The following BAZ2B variants were observed in gnomAD, a reference collection of about 807,000 sequenced individuals.
BAZ2B encodes the protein bromodomain adjacent to zinc finger domain protein 2B.
A neutral mutation model predicts 246.0 loss-of-function variants in BAZ2B; 91 were observed. That is an observed-to-expected ratio of 0.37 (90% CI 0.31 to 0.44). The LOEUF (loss-of-function observed/expected upper bound fraction) is 0.44, where lower values mean the gene tolerates loss of function less well. BAZ2B is among the 20% of genes least tolerant of loss of function. The pLI is 1.00. For missense variants in BAZ2B, 2,332 were observed against 2,533.7 expected, an observed-to-expected ratio of 0.92 and a Z score of 1.71; for synonymous variants, 855 against 860.0, an observed-to-expected ratio of 0.99 and a Z score of 0.10.
chr2:159,532,043 A>C (rs1426518188), intron 2 of BAZ2B, among the ~76,000 whole-genome samples: 7 of 152,228 alleles, frequency 4.6e-5, no homozygotes, highest in Non-Finnish European at 1.0e-4. Flanking sequence ...TTAGAAACTA[A>C]GACAACAGAA....
chr2:159,598,026 G>A (rs926134650), intron 1 of BAZ2B, among the ~76,000 whole-genome samples: 15 of 146,738 alleles, frequency 1.0e-4, no homozygotes, highest in African/African-American at 3.6e-4. Context: ...ACGGAGTCTC[G>A]CTCTGTCACC....
the BAZ2B span, chr2:159,694,239 G>C: frequency 6.6e-6 from 1 of 152,158 alleles, no homozygotes. Flanking sequence ...AAAGAGGCCT[G>C]AGAATGAAAA....
At chr2:159,448,783 T>C (rs1215184080) in intron 4 of BAZ2B, among the ~76,000 whole-genome samples, 1 of 152,220 alleles carries the variant, frequency 6.6e-6, no homozygotes, top group Non-Finnish European at 1.5e-5. Flanking sequence ...TAAGTTTACA[T>C]CTACAACCTA....
At chr2:159,318,462 C>T (rs1412625449), downstream of BAZ2B, among the ~76,000 whole-genome samples, 2 of 152,186 alleles carry the variant, frequency 1.3e-5, no homozygotes, top group Non-Finnish European at 2.9e-5. Flanking sequence ...TTTCTATATT[C>T]TCTCTTCATG....
the BAZ2B span, among the ~76,000 whole-genome samples, chr2:159,701,964 G>A: frequency 9.9e-5 from 15 of 152,174 alleles, no homozygotes; most frequent in East Asian, 2.9e-3. Flanking sequence ...CCTGACCTCA[G>A]GTGATTGCCC....
chr2:159,567,745 G>A lies in BAZ2B; in HGVS notation c.-45-11880C>T, dbSNP rs139687881. 2.5e-3 allele frequency among the ~76,000 whole-genome samples: 373 copies of A among 152,234 alleles called. 2 individuals carry two copies. Among genetic ancestry groups the A allele is most frequent in the Middle Eastern group, 6.8e-3 (2 of 294 alleles). ...TCATAGCACTTCAGGAGGCTGCAGC[G>A]GGCAGCTCACGAGGTCAAGAGATCG... On this transcript the variant is annotated intron_variant, in intron 1 of 36. Coordinates refer to ENST00000392783, the MANE Select transcript of BAZ2B (RefSeq NM_013450.4).
At chr2:159,499,534 C>A (rs191703200) in intron 2 of BAZ2B, among the ~76,000 whole-genome samples, 1 of 152,160 alleles carries the variant, frequency 6.6e-6, no homozygotes, top group Non-Finnish European at 1.5e-5. Flanking sequence ...TATGGGTATA[C>A]ACCCAGTTAT....
intron 13 of BAZ2B, among the ~76,000 whole-genome samples, chr2:159,427,020 G>T (rs1445771262): frequency 6.6e-6 from 1 of 152,072 alleles, no homozygotes; most frequent in South Asian, 2.1e-4. Context: ...ACATTTTTAT[G>T]CATATGATCT....
At chr2:159,422,309 G>A (rs1021923714) in intron 13 of BAZ2B, among the ~76,000 whole-genome samples, 2 of 152,112 alleles carry the variant, frequency 1.3e-5, no homozygotes, top group African/African-American at 4.8e-5. Context: ...AAAGAACAAA[G>A]CTGGAGGCAT....
intron 21 of BAZ2B, among the ~76,000 whole-genome samples, 169 bp downstream of exon 21, chr2:159,389,176 G>A (rs2063025683): frequency 6.6e-6 from 1 of 151,386 alleles, no homozygotes; most frequent in Non-Finnish European, 1.5e-5. Flanking sequence ...GCTCCAGAGA[G>A]GTTTACTTCT....
chr2:159,688,136 C>G, the BAZ2B span, among the ~76,000 whole-genome samples: 2 of 152,136 alleles, frequency 1.3e-5, no homozygotes, highest in Non-Finnish European at 2.9e-5. Flanking sequence ...ATCTCCCTGA[C>G]TCAAGCAATC....
At chr2:159,658,082 A>G in the BAZ2B span, among the ~76,000 whole-genome samples, 2 of 152,320 alleles carry the variant, frequency 1.3e-5, no homozygotes, top group Non-Finnish European at 2.9e-5. Context: ...GATGTCTTTT[A>G]TCAACTTGAG....
At chr2:159,676,074 T>G in the BAZ2B span, among the ~76,000 whole-genome samples, 1 of 152,192 alleles carries the variant, frequency 6.6e-6, no homozygotes, top group Non-Finnish European at 1.5e-5. Context: ...ATTTGTATTT[T>G]AGTAATGATG....
the BAZ2B span, among the ~76,000 whole-genome samples, chr2:159,648,466 C>A: frequency 2.6e-5 from 4 of 152,098 alleles, no homozygotes; most frequent in Admixed American, 6.6e-5. Context: ...TGCTTCCCCC[C>A]ACTCTTCCAT....
At chr2:159,440,446 T>C (rs1021065456) in intron 6 of BAZ2B, among the ~76,000 whole-genome samples, 3 of 152,010 alleles carry the variant, frequency 2.0e-5, no homozygotes, top group Admixed American at 6.6e-5. Context: ...CTTCTGAACA[T>C]TGATTCAGGT....
chr2:159,470,055 T>C lies in BAZ2B; in HGVS notation c.145+8520A>G, dbSNP rs138941464. 2.0e-3 allele frequency among the ~76,000 whole-genome samples: 301 copies of C among 152,354 alleles called. 2 individuals carry two copies. The highest frequency in any genetic ancestry group is 6.9e-3 in the African/African-American group (286 of 41,576). On this transcript the variant is annotated intron_variant, in intron 3 of 36. Coordinates refer to ENST00000392783, the MANE Select transcript of BAZ2B (RefSeq NM_013450.4). ...CAGTGCTTTATTTCTATACTTGCTTTCTGCATGACCAACACTATTCTGAAA... is the reference window on the plus strand; with the variant it reads ...CAGTGCTTTATTTCTATACTTGCTTCCTGCATGACCAACACTATTCTGAAA...
chr2:159,578,990 C>T (rs1332640003), intron 1 of BAZ2B, among the ~76,000 whole-genome samples: 1 of 152,046 alleles, frequency 6.6e-6, no homozygotes, highest in Admixed American at 6.6e-5. Context: ...AAAATTGACA[C>T]CCTAACGTCA....
chr2:159,497,615 T>C (rs1252221907), intron 2 of BAZ2B, among the ~76,000 whole-genome samples: 8 of 152,164 alleles, frequency 5.3e-5, no homozygotes, highest in Non-Finnish European at 5.9e-5. Flanking sequence ...TTTTCAATGA[T>C]AGAAACAGGG....
intron 27 of BAZ2B, 83 bp downstream of exon 27, chr2:159,372,962 C>T (rs916502040): frequency 1.4e-6 from 2 of 1,428,596 alleles, no homozygotes; most frequent in African/African-American, 2.9e-5. Context: ...ATTATGGGAA[C>T]ACAAAATATA....
Sources: gnomAD v4.1 joint callset for allele counts (sites outside exome capture counted in the v4.1 genomes callset) on GRCh38, gnomAD v4.1.1 for gene constraint, MANE v1.5 for transcripts, NCBI Gene and HGNC (gene_info 2026-07-23, HGNC 2026-07-21) for gene names.